Variants in CIAO2B observed in about 807,000 individuals in gnomAD.
CIAO2B encodes the protein cytosolic iron-sulfur assembly component 2B, also known as MSS19-interacting protein of 18 kDa.
CIAO2B carries 20 observed loss-of-function variants against 16.4 expected under a neutral mutation model. That is an observed-to-expected ratio of 1.22 (90% confidence interval 0.86 to 1.77). The LOEUF (loss-of-function observed/expected upper bound fraction) is 1.77, where lower values mean the gene tolerates loss of function less well. CIAO2B is among the 40% of genes most tolerant of loss of function. The pLI, the probability that CIAO2B is intolerant of heterozygous loss-of-function variation, is 0.00. For missense variants in CIAO2B, 215 were observed against 222.4 expected (o/e 0.97, Z 0.21); for synonymous variants, 106 against 90.4 (o/e 1.17, Z -0.98).
chr16:66,934,080 G>A lies in CIAO2B; in HGVS notation c.143-14C>T. 6.2e-7 allele frequency: 1 copy of A among 1,613,404 alleles called. No individual in the cohort carries two copies. Among genetic ancestry groups the A allele is most frequent in the Non-Finnish European group, 8.5e-7 (1 of 1,179,772 alleles). Reference sequence around the variant, plus strand: ...AGCGAATCAGATGTGGGAAGTGAAGGAAAAGGGACTCTGCGCCCTTGCCCA... The same window carrying A: ...AGCGAATCAGATGTGGGAAGTGAAGAAAAAGGGACTCTGCGCCCTTGCCCA... On this transcript the variant is annotated splice_polypyrimidine_tract_variant and intron_variant, in intron 1 of 4. Transcript: ENST00000422424. This position sits in a 1 kb window ranked among gnomAD's most constrained non-coding sequence, Gnocchi z 4.1.
Position 66,933,637 on chromosome 16 carries a change from G to A in CIAO2B, c.325C>T (p.Arg109Cys). The change falls in exon 3 of 5, where the codon CGC (arginine) becomes TGC (cysteine). Residue 109 changes from arginine to cysteine, a missense_variant. Coordinates refer to ENST00000422424, the MANE Select transcript of CIAO2B (RefSeq NM_016062.4). ...IGLSIKVKLL[R>C]SLPQRFKMDV... The stretch of plus-strand genomic sequence containing the variant: ...ACCTTGAAACGCTGAGGAAGGGAGC[G>A]CAGAAGCTTGACCTTGATGGACAGA... The A allele has an allele frequency of 6.2e-7, 1 of 1,608,918 alleles. No individual in the cohort carries two copies. The highest frequency in any genetic ancestry group is 8.5e-7 in the Non-Finnish European group (1 of 1,177,718).
chr16:66,933,565 G>GAC, intron 3 of CIAO2B, 49 bp downstream of exon 3: 1 of 1,595,412 alleles, frequency 6.3e-7, no homozygotes, highest in Non-Finnish European at 8.5e-7. Flanking sequence ...ATCCTCAGCA[G>GAC]TAGACCCTCA....
At position 66,933,727 on chromosome 16, in the gene CIAO2B, CG is replaced by C; in HGVS notation, c.234del (p.Glu79ArgfsTer54). Reference protein sequence around the residue: ...VEQVRVQVSDPESTVAVAFTP... With the variant: ...VEQVRVQVSDXESTVAVAFTP... ...GTGAAAGCCACAGCCACTGTACTCT[CG>C]GGGTCGCTAACCTGGTTGTGGAGGA... On this transcript the variant is annotated frameshift_variant, in exon 3 of 5. Transcript: ENST00000422424. LOFTEE classifies it high-confidence loss of function. The C allele has an allele frequency of 6.4e-7, 1 of 1,562,710 alleles. No individual in the cohort carries two copies. The highest frequency in any genetic ancestry group is 8.7e-7 in the Non-Finnish European group (1 of 1,153,406).
At chr16:66,932,620 G>T in intron 4 of CIAO2B, 160 bp downstream of exon 4, 1 of 862,524 alleles carries the variant, frequency 1.2e-6, no homozygotes, top group Non-Finnish European at 1.9e-6. Context: ...TCTCAGGCCA[G>T]CTTCGGTCTA....
intron 3 of CIAO2B, chr16:66,933,380 G>T: frequency 1.8e-6 from 1 of 561,538 alleles, no homozygotes; most frequent in South Asian, 2.3e-5. Flanking sequence ...CCCATCTGCC[G>T]CTCCCTACTG....
intron 4 of CIAO2B, 114 bp downstream of exon 4, chr16:66,932,666 C>T: frequency 7.8e-7 from 1 of 1,280,208 alleles, no homozygotes; most frequent in Non-Finnish European, 1.1e-6. Context: ...CTGGCAATTT[C>T]ACTCACACAG....
intron 4 of CIAO2B, 163 bp downstream of exon 4, chr16:66,932,617 C>A: frequency 1.2e-6 from 1 of 847,622 alleles, no homozygotes; most frequent in South Asian, 1.4e-5. Flanking sequence ...TCTTCTCAGG[C>A]CAGCTTCGGT....
chr16:66,933,307 T>A (rs1178111539), intron 3 of CIAO2B, among the ~76,000 whole-genome samples: 1 of 152,072 alleles, frequency 6.6e-6, no homozygotes, highest in Non-Finnish European at 1.5e-5. Flanking sequence ...TCCAATTCTA[T>A]CCAAAGAACT....
At chr16:66,932,865 G>C in intron 3 of CIAO2B, 40 bp from the exon 4 acceptor site, 3 of 1,604,522 alleles carry the variant, frequency 1.9e-6, no homozygotes, top group Non-Finnish European at 2.6e-6. Flanking sequence ...CCCACCCACC[G>C]ACCCACACTT....
intron 4 of CIAO2B, 65 bp downstream of exon 4, chr16:66,932,715 G>A (rs1287530827): frequency 1.3e-6 from 2 of 1,549,564 alleles, no homozygotes; most frequent in Non-Finnish European, 1.8e-6. Flanking sequence ...TCCTGTGCAA[G>A]GGGGAAGCCT....
In CIAO2B at chr16:66,933,708, G is replaced by A. The variant is rs755168252; in HGVS notation, c.254C>T (p.Ala85Val). Reference protein sequence around the residue: ...VSDPESTVAVAFTPTIPHCSM... With the variant: ...VSDPESTVAVVFTPTIPHCSM... The stretch of plus-strand genomic sequence containing the variant: ...GCAGTGCGGAATGGTTGGTGTGAAA[G>A]CCACAGCCACTGTACTCTCGGGGTC... Residue 85 changes from alanine to valine, a missense_variant, in exon 3 of 5, where the codon GCT becomes GTT. Transcript: ENST00000422424. 1 of 1,577,388 alleles carries A rather than the reference G, an allele frequency of 6.3e-7. No individual in the cohort carries two copies. The highest frequency in any genetic ancestry group is 1.8e-5 in the Admixed American group (1 of 54,510).
chr16:66,932,980 G>A lies in CIAO2B; in HGVS notation c.349-155C>T, dbSNP rs531712306. 2.0e-5 allele frequency among the ~76,000 whole-genome samples: 3 copies of A among 151,984 alleles called. No individual in the cohort carries two copies. The East Asian group carries it at 5.8e-4, about 29-fold the overall frequency. ...CCGTTACACCCCAAACCCATCCACA[G>A]GTATTCCAATTCTTTTTTTTTTTCC... On this transcript the variant is annotated intron_variant, in intron 3 of 4. Coordinates refer to ENST00000422424, the MANE Select transcript of CIAO2B (RefSeq NM_016062.4).
chr16:66,934,245 G>A lies in CIAO2B; in HGVS notation c.120C>T (p.Ser40=), dbSNP rs1228971364. 22 of 1,609,788 alleles carry A rather than the reference G, an allele frequency of 1.4e-5. No individual in the cohort carries two copies. The highest frequency in any genetic ancestry group is 1.9e-5 in the Non-Finnish European group (22 of 1,179,482). ...AGEEDEQVPD[S]IDAREIFDLI... ...TATCGAAGATCTCGCGTGCGTCGAT[G>A]CTGTCGGGAACCTGCTCGTCCTCCT... is the stretch of plus-strand genomic sequence containing the variant. Residue 40 remains serine (S), a synonymous_variant, in exon 1 of 5, where the codon AGC becomes AGT. Transcript: ENST00000422424. This position sits in a 1 kb window ranked among gnomAD's most constrained non-coding sequence, Gnocchi z 4.1.
Position 66,934,044 on chromosome 16 carries a change from G to A in CIAO2B, c.165C>T (p.Asp55=). The A allele has an allele frequency of 6.2e-7, 1 of 1,613,712 alleles. No individual in the cohort carries two copies. The highest frequency in any genetic ancestry group is 8.5e-7 in the Non-Finnish European group (1 of 1,179,862). The change falls in exon 2 of 5, where the codon GAC becomes GAT. Residue 55 remains aspartate, a synonymous_variant. Transcript: ENST00000422424. The surrounding 1 kb of genome is among the most constrained non-coding windows in gnomAD (Gnocchi z 4.1). The part of the protein sequence containing the change: ...EIFDLIRSIN[D]PEHPLTLEEL... ...CCTCTAGCGTCAGTGGATGCTCCGG[G>A]TCATTGATGGAGCGAATCAGATGTG...
At position 66,932,245 on chromosome 16, in the gene CIAO2B, G is replaced by A. The variant is rs1963069030; in HGVS notation, c.450C>T (p.His150=). ...GGCACTGATTCACAACCTCCAAGAG[G>A]TGGGTGTTCTCCAGGGCAGCTGCCA... ...ERVAAALENT[H]LLEVVNQCLS... is the part of the protein sequence containing the mutation. The change falls in exon 5 of 5, where the codon CAC becomes CAT. Residue 150 remains histidine (H), a synonymous_variant. Coordinates refer to ENST00000422424, the MANE Select transcript of CIAO2B (RefSeq NM_016062.4). 6.2e-7 allele frequency: 1 copy of A among 1,613,946 alleles called. No homozygotes were observed. Among genetic ancestry groups the A allele is most frequent in the Admixed American group, 1.7e-5 (1 of 60,014 alleles).
chr16:66,934,265 C>T lies in CIAO2B; in HGVS notation c.100G>A (p.Asp34Asn). 6.2e-7 allele frequency: 1 copy of T among 1,609,044 alleles called. No individual in the cohort carries two copies. Residue 34 changes from aspartate to asparagine, a missense_variant, in exon 1 of 5, where the codon GAC becomes AAC. By Grantham distance (23) the Asp-to-Asn change is conservative. Coordinates refer to ENST00000422424, the MANE Select transcript of CIAO2B (RefSeq NM_016062.4). The surrounding 1 kb of genome is among the most constrained non-coding windows in gnomAD (Gnocchi z 4.1). ...GERPVTAGEEDEQVPDSIDAR... is the reference protein window; with the variant it reads ...GERPVTAGEENEQVPDSIDAR... The stretch of plus-strand genomic sequence containing the variant: ...TCGATGCTGTCGGGAACCTGCTCGT[C>T]CTCCTCGCCTGCCGTCACAGGCCGC...
Position 66,932,222 on chromosome 16 carries a change from C to T in CIAO2B, c.473G>A (p.Cys158Tyr). The T allele has an allele frequency of 6.2e-7, 1 of 1,613,806 alleles. No homozygotes were observed. Among genetic ancestry groups the T allele is most frequent in the Non-Finnish European group, 8.5e-7 (1 of 1,179,800 alleles). ...NTHLLEVVNQ[C>Y]LSARS ...CCAGGCTCAGGAGCGGGCTGACAGGCACTGATTCACAACCTCCAAGAGGTG... is the reference window on the plus strand; with the variant it reads ...CCAGGCTCAGGAGCGGGCTGACAGGTACTGATTCACAACCTCCAAGAGGTG... Residue 158 changes from cysteine to tyrosine, a missense_variant, in exon 5 of 5, where the codon TGC (cysteine) becomes TAC (tyrosine). Transcript: ENST00000422424.
Position 66,934,347 on chromosome 16 carries a change from C to A in CIAO2B, c.18G>T (p.Gly6=). The change falls in exon 1 of 5, where the codon GGG becomes GGT. Residue 6 remains glycine, a synonymous_variant. Coordinates refer to ENST00000422424, the MANE Select transcript of CIAO2B (RefSeq NM_016062.4). This position sits in a 1 kb window ranked among gnomAD's most constrained non-coding sequence, Gnocchi z 4.1. MVGGG[G]VGGGLLENAN... ...CATTCTCCAGGAGGCCGCCGCCGAC[C>A]CCGCCGCCGCCTACCATCGCGGAAC... 6.4e-7 allele frequency: 1 copy of A among 1,568,726 alleles called. No individual in the cohort carries two copies.
intron 4 of CIAO2B, 61 bp downstream of exon 4, chr16:66,932,719 G>A (rs1301224868): frequency 1.3e-6 from 2 of 1,556,972 alleles, no homozygotes; most frequent in Non-Finnish European, 1.7e-6. Context: ...GTGCAAGGGG[G>A]AAGCCTCAGA....
Sources: gnomAD v4.1 joint callset for allele counts (sites outside exome capture counted in the v4.1 genomes callset) on GRCh38, gnomAD v4.1.1 for gene constraint, Gnocchi (gnomAD v3.1) non-coding constraint, MANE v1.5 for transcripts, NCBI Gene and HGNC (gene_info 2026-07-23, HGNC 2026-07-21) for gene names.